The following PACC1 variants were observed in gnomAD, a reference collection of about 807,000 sequenced individuals.
PACC1 encodes the protein proton-activated chloride channel.
In PACC1, 34 loss-of-function variants were observed where a neutral mutation model predicts 39.7. The observed-to-expected ratio is 0.86, with a 90% CI of 0.65 to 1.14. The LOEUF is 1.14. Ranked by LOEUF, PACC1 falls within the 50% of genes most tolerant of loss-of-function variation. PACC1 has a pLI of 0.00. For missense variants in PACC1, 379 were observed against 436.4 expected (o/e 0.87, Z 1.17); for synonymous variants, 127 against 160.6 (o/e 0.79, Z 1.58).
At chr1:212,410,652 C>T in intron 1 of PACC1, 131 bp from the exon 2 acceptor site, 1 of 824,398 alleles carries the variant, frequency 1.2e-6, no homozygotes, top group South Asian at 1.4e-5. Flanking sequence ...GAGTGTGTTA[C>T]AGCAATTTTA....
intron 7 of PACC1, among the ~76,000 whole-genome samples, chr1:212,373,973 A>G (rs1660554773): frequency 6.6e-6 from 1 of 152,052 alleles, no homozygotes; most frequent in African/African-American, 2.4e-5. Context: ...CAAAAAGCTA[A>G]AACTAGAACT....
In PACC1 at chr1:212,380,383, T is replaced by C. The variant is rs151011222; in HGVS notation, c.496-346A>G. On this transcript the variant is annotated intron_variant, in intron 4 of 7. Coordinates refer to ENST00000261455, the MANE Select transcript of PACC1 (RefSeq NM_018252.3). Reference sequence around the variant, plus strand: ...ATTTTTCTTTTAACTTTGTTTCCAATGTCATTTGTCCTATGGAAACTTTAA... The same window carrying C: ...ATTTTTCTTTTAACTTTGTTTCCAACGTCATTTGTCCTATGGAAACTTTAA... Among the ~76,000 whole-genome samples, 143 of 152,372 alleles carry C rather than the reference T, an allele frequency of 9.4e-4. 1 individual carries two copies. Among genetic ancestry groups the C allele is most frequent in the Non-Finnish European group, 1.9e-3 (130 of 68,028 alleles).
intron 2 of PACC1, among the ~76,000 whole-genome samples, chr1:212,404,607 G>A (rs975910403): frequency 6.6e-6 from 1 of 151,218 alleles, no homozygotes; most frequent in Non-Finnish European, 1.5e-5. Context: ...AGTTGCTCAT[G>A]TCATCTCCCT....
At chr1:212,398,840 A>C (rs1443137884) in intron 2 of PACC1, among the ~76,000 whole-genome samples, 2 of 152,196 alleles carry the variant, frequency 1.3e-5, no homozygotes, top group Non-Finnish European at 2.9e-5. Context: ...CTCCCCGAGA[A>C]AGTATCCTGT....
intron 7 of PACC1, 62 bp downstream of exon 7, chr1:212,375,131 T>C: frequency 7.5e-7 from 1 of 1,335,746 alleles, no homozygotes; most frequent in South Asian, 1.3e-5. Flanking sequence ...AATACATCTA[T>C]CATAATCTTA....
chr1:212,392,727 A>G (rs1365066541), intron 2 of PACC1, among the ~76,000 whole-genome samples: 1 of 152,060 alleles, frequency 6.6e-6, no homozygotes, highest in African/African-American at 2.4e-5. Context: ...CTCAAAATAA[A>G]GGGATGGAGG....
intron 7 of PACC1, among the ~76,000 whole-genome samples, chr1:212,369,601 C>T (rs1230860537): frequency 6.6e-6 from 1 of 151,836 alleles, no homozygotes; most frequent in South Asian, 2.1e-4. Flanking sequence ...GTCAACATGG[C>T]AAAACCCTGT....
chr1:212,404,775 T>G (rs772773294), intron 2 of PACC1, among the ~76,000 whole-genome samples: 27 of 151,848 alleles, frequency 1.8e-4, no homozygotes, highest in Non-Finnish European at 3.4e-4. Flanking sequence ...TGTATTTGTA[T>G]TTTTATTTTT....
intron 5 of PACC1, among the ~76,000 whole-genome samples, chr1:212,378,824 C>T (rs1660763822): frequency 6.6e-6 from 1 of 152,130 alleles, no homozygotes; most frequent in Non-Finnish European, 1.5e-5. Flanking sequence ...GCCTCTGCCA[C>T]TCCTGAGACA....
At chr1:212,400,361 G>C (rs941760277) in intron 2 of PACC1, among the ~76,000 whole-genome samples, 2 of 152,086 alleles carry the variant, frequency 1.3e-5, no homozygotes, top group African/African-American at 4.8e-5. Flanking sequence ...CATAAAACAA[G>C]AAGATCACAT....
chr1:212,369,039 AAG>A (rs1398221908), intron 7 of PACC1, among the ~76,000 whole-genome samples: 1 of 151,636 alleles, frequency 6.6e-6, no homozygotes, highest in Non-Finnish European at 1.5e-5. Flanking sequence ...AAAAAAAAAA[AAG>A]AGGCAAAACA....
At chr1:212,389,202 C>T (rs1406368275) in intron 2 of PACC1, among the ~76,000 whole-genome samples, 1 of 152,106 alleles carries the variant, frequency 6.6e-6, no homozygotes, top group East Asian at 1.9e-4. Flanking sequence ...GGACAAAGTT[C>T]AGGGCTGGAA....
chr1:212,409,818 T>A (rs918517363), intron 2 of PACC1, among the ~76,000 whole-genome samples: 24 of 152,078 alleles, frequency 1.6e-4, no homozygotes, highest in African/African-American at 5.1e-4. Flanking sequence ...CAGGCCTGGG[T>A]AGAACTGTCT....
intron 4 of PACC1, among the ~76,000 whole-genome samples, 184 bp downstream of exon 4, chr1:212,385,090 C>T (rs1489983573): frequency 6.6e-6 from 1 of 152,222 alleles, no homozygotes; most frequent in African/African-American, 2.4e-5. Flanking sequence ...ACTGTCCTCC[C>T]TGAATGCAAG....
intron 2 of PACC1, among the ~76,000 whole-genome samples, chr1:212,391,549 A>G (rs1444676120): frequency 6.6e-6 from 1 of 152,264 alleles, no homozygotes; most frequent in Non-Finnish European, 1.5e-5. Context: ...CCTCCTCCAA[A>G]GGAACGCAGC....
intron 6 of PACC1, among the ~76,000 whole-genome samples, chr1:212,376,505 T>C (rs1042211039): frequency 2.6e-5 from 4 of 152,168 alleles, no homozygotes; most frequent in Non-Finnish European, 5.9e-5. Context: ...TTGAACTTAA[T>C]TGTAAGGTAA....
In PACC1 at chr1:212,374,441, G is replaced by A. The variant is rs536596628; in HGVS notation, c.891+752C>T. Reference sequence around the variant, plus strand: ...GGTTGGGGGAAGCAGGAGATGAAGAGAAATTGGTTAATGGGTACAAAAATA... The same window carrying A: ...GGTTGGGGGAAGCAGGAGATGAAGAAAAATTGGTTAATGGGTACAAAAATA... On this transcript the variant is annotated intron_variant, in intron 7 of 7. Transcript: ENST00000261455. Among the ~76,000 whole-genome samples, 140 of 152,220 alleles carry A rather than the reference G, an allele frequency of 9.2e-4. 2 individuals are homozygous for A. Among genetic ancestry groups the A allele is most frequent in the African/African-American group, 3.3e-3 (135 of 41,526 alleles).
At chr1:212,390,234 C>T (rs1661260724) in intron 2 of PACC1, among the ~76,000 whole-genome samples, 1 of 151,744 alleles carries the variant, frequency 6.6e-6, no homozygotes, top group Non-Finnish European at 1.5e-5. Context: ...ACCATCCTGG[C>T]CAATGTGGTG....
intron 4 of PACC1, among the ~76,000 whole-genome samples, chr1:212,382,045 T>C (rs1364886395): frequency 7.1e-5 from 2 of 28,170 alleles, no homozygotes; most frequent in Admixed American, 3.1e-4. Context: ...AGTGTTCTTG[T>C]TTTTTTTTTT....
Sources: gnomAD v4.1 joint callset for allele counts (sites outside exome capture counted in the v4.1 genomes callset) on GRCh38, gnomAD v4.1.1 for gene constraint, MANE v1.5 for transcripts, NCBI Gene and HGNC (gene_info 2026-07-23, HGNC 2026-07-21) for gene names.